Variants in PLXNA4 observed in about 807,000 individuals in gnomAD.
PLXNA4 encodes plexin-A4.
A neutral mutation model predicts 191.8 loss-of-function variants in PLXNA4; 44 were observed. The observed-to-expected ratio is 0.23, with a 90% CI of 0.18 to 0.29. PLXNA4 has a LOEUF of 0.29. PLXNA4 is among the 10% of genes least tolerant of loss of function. The pLI is 1.00. For synonymous variants in PLXNA4, 1,082 were observed against 1,009.5 expected (o/e 1.07, Z -1.36); for missense variants, 1,800 against 2,488.8 (o/e 0.72, Z 5.89).
At chr7:132,283,002 C>T (rs555059918) in intron 4 of PLXNA4, among the ~76,000 whole-genome samples, 7 of 152,066 alleles carry the variant, frequency 4.6e-5, no homozygotes, top group Admixed American at 1.3e-4. Flanking sequence ...TCAGCCCCCC[C>T]CAAGTAACTG....
intron 4 of PLXNA4, among the ~76,000 whole-genome samples, chr7:132,247,314 C>A (rs539130059): frequency 1.3e-5 from 2 of 152,264 alleles, no homozygotes; most frequent in Non-Finnish European, 2.9e-5. Context: ...GATGCTAATG[C>A]AACGATGGCT....
intron 3 of PLXNA4, among the ~76,000 whole-genome samples, chr7:132,470,711 C>T (rs1796901628): frequency 6.6e-6 from 1 of 152,148 alleles, no homozygotes. Flanking sequence ...GGGAGGGAGA[C>T]TTGACTATGA....
chr7:132,186,805 A>C (rs1796892779), intron 15 of PLXNA4, among the ~76,000 whole-genome samples: 1 of 152,178 alleles, frequency 6.6e-6, no homozygotes, highest in South Asian at 2.1e-4. Flanking sequence ...CAAAGATGAT[A>C]ACAGCCTTTT....
intron 3 of PLXNA4, among the ~76,000 whole-genome samples, chr7:132,362,479 T>C (rs1388080145): frequency 6.6e-6 from 1 of 152,228 alleles, no homozygotes; most frequent in Non-Finnish European, 1.5e-5. Context: ...CTGATGCAAA[T>C]GCTAGAAGTG....
At chr7:132,512,086 C>T (rs919443661) in intron 1 of PLXNA4, among the ~76,000 whole-genome samples, 1 of 152,232 alleles carries the variant, frequency 6.6e-6, no homozygotes, top group Admixed American at 6.5e-5. Flanking sequence ...TATGCTCTGC[C>T]GGCTAACAGG....
chr7:132,193,250 T>C (rs1428142692), intron 14 of PLXNA4, among the ~76,000 whole-genome samples: 1 of 152,196 alleles, frequency 6.6e-6, no homozygotes, highest in Non-Finnish European at 1.5e-5. Flanking sequence ...TTCCACCCTC[T>C]CCCGCTCTTG....
At chr7:132,516,365 G>A (rs953975051) in intron 1 of PLXNA4, among the ~76,000 whole-genome samples, 5 of 151,982 alleles carry the variant, frequency 3.3e-5, no homozygotes, top group South Asian at 2.1e-4. Flanking sequence ...GAGACCAACC[G>A]GTCCACCAGC....
chr7:132,124,992 C>A lies in PLXNA4; in HGVS notation c.*5487G>T, dbSNP rs953794737. 1.8e-5 allele frequency: 1 copy of A among 56,942 alleles called. No individual in the cohort carries two copies. The highest frequency in any genetic ancestry group is 6.9e-5 in the African/African-American group (1 of 14,424). 3.5% of individuals were successfully genotyped at this position (56,942 alleles called of 1,614,324 possible). On this transcript the variant is annotated 3_prime_UTR_variant, in exon 32 of 32. Coordinates refer to ENST00000321063, the MANE Select transcript of PLXNA4 (RefSeq NM_020911.2). ...TCTATATACTTTTAAAACTTGGATA[C>A]TCCCTCTAATAAAATAATTTTATGG...
chr7:132,417,131 CT>C (rs201735987), intron 3 of PLXNA4, among the ~76,000 whole-genome samples: 1,550 of 152,318 alleles, frequency 0.01, 15 homozygotes, highest in Middle Eastern at 0.037. Flanking sequence ...CCGCTTCCCC[CT>C]GGCCTCAAAG....
At chr7:132,560,107 C>A (rs561024158) in intron 1 of PLXNA4, among the ~76,000 whole-genome samples, 2 of 152,330 alleles carry the variant, frequency 1.3e-5, no homozygotes, top group African/African-American at 4.8e-5. Context: ...ATTAGACCAA[C>A]AGGACATTAT....
chr7:132,220,237 T>C (rs1270367435), intron 9 of PLXNA4, among the ~76,000 whole-genome samples: 1 of 152,188 alleles, frequency 6.6e-6, no homozygotes, highest in East Asian at 1.9e-4. Flanking sequence ...CACATACTTC[T>C]TTACTTGTTT....
chr7:132,273,715 C>T (rs1245204777), intron 4 of PLXNA4, among the ~76,000 whole-genome samples: 1 of 152,048 alleles, frequency 6.6e-6, no homozygotes, highest in African/African-American at 2.4e-5. Context: ...TTGTTTCCCC[C>T]CATTTATAAA....
At chr7:132,253,232 CTTTTTTTTTTTT>C (rs56010775) in intron 4 of PLXNA4, among the ~76,000 whole-genome samples, 1 of 134,448 alleles carries the variant, frequency 7.4e-6, no homozygotes, top group African/African-American at 2.7e-5. Flanking sequence ...TTTCTTTTTT[CTTTTTTTTTTTT>C]TTTTTTTTTG....
rs570069698 is a variant in PLXNA4 at position 132,429,341 on chromosome 7, G to C, written c.1371+59951C>G. Among the ~76,000 whole-genome samples the C allele has an allele frequency of 2.4e-4, 36 of 152,218 alleles. No individual in the cohort carries two copies. The South Asian group carries it at 7.1e-3, about 30-fold the overall frequency. On this transcript the variant is annotated intron_variant, in intron 3 of 31. Coordinates refer to ENST00000321063, the MANE Select transcript of PLXNA4 (RefSeq NM_020911.2). ...TCTACCTTCTTGACCAAAATGGATG[G>C]GTATAGGAAGAACTTTGCCCTCTAG...
At position 132,159,632 on chromosome 7, in the gene PLXNA4, C is replaced by T. The variant is rs764209728; in HGVS notation, c.4501G>A (p.Val1501Ile). The change falls in exon 25 of 32, where the codon GTC (valine) becomes ATC (isoleucine). Residue 1501 changes from valine (V) to isoleucine (I), a missense_variant and splice_region_variant. Physicochemically the swap from Val to Ile is conservative, Grantham distance 29. Coordinates refer to ENST00000321063, the MANE Select transcript of PLXNA4 (RefSeq NM_020911.2). ...IRQQIDYKTL[V>I]LSCVSPDNAN... The stretch of plus-strand genomic sequence containing the variant: ...TTGTCTGGGCTGACACAGCTCAGGA[C>T]CTGAAGGAAAGGTGGGGAGAGGAAG... 2.5e-6 allele frequency: 4 copies of T among 1,613,676 alleles called. No homozygotes were observed. Among genetic ancestry groups the T allele is most frequent in the Admixed American group, 1.7e-5 (1 of 59,952 alleles).
intron 19 of PLXNA4, among the ~76,000 whole-genome samples, chr7:132,180,348 C>T (rs1212004962): frequency 6.6e-6 from 1 of 152,164 alleles, no homozygotes; most frequent in African/African-American, 2.4e-5. Flanking sequence ...GGTGATTTAG[C>T]AACTATTTAA....
upstream of PLXNA4, among the ~76,000 whole-genome samples, chr7:132,578,358 C>G (rs187961274): frequency 7.9e-5 from 12 of 152,170 alleles, no homozygotes; most frequent in Admixed American, 2.6e-4. Flanking sequence ...TCTAAAGGAG[C>G]CCATGGCTCT....
chr7:132,446,492 G>A (rs779782820), intron 3 of PLXNA4, among the ~76,000 whole-genome samples: 7 of 152,150 alleles, frequency 4.6e-5, no homozygotes, highest in Non-Finnish European at 1.0e-4. Context: ...CCTGGTAAAG[G>A]TTTTCAAATG....
chr7:132,316,328 A>G (rs957378592), intron 3 of PLXNA4, among the ~76,000 whole-genome samples: 1 of 151,922 alleles, frequency 6.6e-6, no homozygotes, highest in Admixed American at 6.6e-5. Context: ...CAAGCTCTCT[A>G]ACCAGAGTTT....
Sources: allele counts gnomAD v4.1 joint callset (sites outside exome capture counted in the v4.1 genomes callset), GRCh38; gene constraint gnomAD v4.1.1; transcripts MANE v1.5; gene names NCBI Gene and HGNC (gene_info 2026-07-23, HGNC 2026-07-21).